Variants in OR6K3 observed in about 807,000 individuals in gnomAD.
OR6K3 encodes the protein olfactory receptor 6K3.
For missense variants in OR6K3, 396 were observed against 382.5 expected, an observed-to-expected ratio of 1.04 and a Z score of -0.29; for synonymous variants, 169 against 137.7, an observed-to-expected ratio of 1.23 and a Z score of -1.59.
chr1:158,718,232 T>C, intron 1 of OR6K3, 100 bp from the exon 2 acceptor site: 1 of 682,346 alleles, frequency 1.5e-6, no homozygotes, highest in Non-Finnish European at 2.5e-6. Flanking sequence ...AGAACTACCT[T>C]GAAGGTTTCA....
At chr1:158,721,618 T>C (rs1647379873), upstream of OR6K3, among the ~76,000 whole-genome samples, 1 of 151,946 alleles carries the variant, frequency 6.6e-6, no homozygotes, top group Non-Finnish European at 1.5e-5. Context: ...TAAAACAGTC[T>C]GTTTTGATCC....
rs79482939 is a variant in OR6K3 at position 158,717,352 on chromosome 1, G to A, written c.764C>T (p.Ser255Leu). Reference protein sequence around the residue: ...MVFPIFFGSVSLMYLRFSDTY... With the variant: ...MVFPIFFGSVLLMYLRFSDTY... Reference sequence around the variant, plus strand: ...GTCGCTGAAACGCAAGTACATGAGTGATACACTGCCAAAGAATATCGGGAA... The same window carrying A: ...GTCGCTGAAACGCAAGTACATGAGTAATACACTGCCAAAGAATATCGGGAA... Residue 255 changes from serine to leucine, a missense_variant, in exon 2 of 2, where the codon TCA becomes TTA. By Grantham distance (145) the Ser-to-Leu change is moderately radical. Transcript: ENST00000368145. 6 of 1,613,742 alleles carry A rather than the reference G, an allele frequency of 3.7e-6. No homozygotes were observed. Among genetic ancestry groups the A allele is most frequent in the Middle Eastern group, 3.3e-4 (2 of 6,056 alleles).
In OR6K3 at chr1:158,718,117, TTTCTAGTAG is replaced by T; in HGVS notation, c.-11_-3del. On this transcript the variant is annotated 5_prime_UTR_variant, in exon 2 of 2. Coordinates refer to ENST00000368145, the MANE Select transcript of OR6K3 (RefSeq NM_001005327.3). ...TGTTGATTGGTTTCCGCTCTCCATATTTCTAGTAGAGCTACCTGTAAATGGAGAGGGCAT... is the reference window on the plus strand; with the variant it reads ...TGTTGATTGGTTTCCGCTCTCCATATAGCTACCTGTAAATGGAGAGGGCAT... 6.3e-7 allele frequency: 1 copy of T among 1,586,702 alleles called. No homozygotes were observed. Among genetic ancestry groups the T allele is most frequent in the Non-Finnish European group, 8.6e-7 (1 of 1,159,120 alleles).
chr1:158,717,599 G>C lies in OR6K3; in HGVS notation c.517C>G (p.Gln173Glu). 1 of 1,613,794 alleles carries C rather than the reference G, an allele frequency of 6.2e-7. No individual in the cohort carries two copies. Among genetic ancestry groups the C allele is most frequent in the Non-Finnish European group, 8.5e-7 (1 of 1,179,832 alleles). ...AAGTCACAGAAGATCTGATGGATTT[G>C]GTTGGGCCCACAGAAAGGCAGTGTG... ...ISTLPFCGPN[Q>E]IHQIFCDLVP... is the part of the protein sequence containing the mutation. The change falls in exon 2 of 2, where the codon CAA becomes GAA. Residue 173 changes from glutamine (Q) to glutamate (E), a missense_variant. Gln to Glu is a conservative substitution (Grantham distance 29, BLOSUM62 2). Coordinates refer to ENST00000368145, the MANE Select transcript of OR6K3 (RefSeq NM_001005327.3).
intron 1 of OR6K3, among the ~76,000 whole-genome samples, chr1:158,719,819 C>G (rs901243638): frequency 3.3e-5 from 5 of 151,994 alleles, no homozygotes; most frequent in Non-Finnish European, 1.5e-5. Flanking sequence ...TAGAATTGTA[C>G]AGTATAGTAT....
At chr1:158,718,584 C>G (rs1299479617) in intron 1 of OR6K3, among the ~76,000 whole-genome samples, 1 of 151,806 alleles carries the variant, frequency 6.6e-6, no homozygotes, top group Admixed American at 6.6e-5. Flanking sequence ...AATTATATAT[C>G]TGTATCTCAT....
chr1:158,717,222 A>G lies in OR6K3; in HGVS notation c.894T>C (p.Asn298=), dbSNP rs755437966. Residue 298 remains asparagine (N), a synonymous_variant, in exon 2 of 2, where the codon AAT becomes AAC. Coordinates refer to ENST00000368145, the MANE Select transcript of OR6K3 (RefSeq NM_001005327.3). ...GAAGACAGAACAGTTTTTTAATCGC[A>G]TTGTTCATGTCCTTGTTTCTCAGGC... ...IYSLRNKDMN[N]AIKKLFCLQK... The G allele has an allele frequency of 1.2e-6, 2 of 1,613,430 alleles. No individual in the cohort carries two copies. Among genetic ancestry groups the G allele is most frequent in the Non-Finnish European group, 1.7e-6 (2 of 1,179,626 alleles).
chr1:158,717,452 T>A lies in OR6K3; in HGVS notation c.664A>T (p.Thr222Ser). The change falls in exon 2 of 2, where the codon ACT becomes TCT. Residue 222 changes from threonine to serine, a missense_variant. Thr to Ser is a moderately conservative substitution (Grantham distance 58). Coordinates refer to ENST00000368145, the MANE Select transcript of OR6K3 (RefSeq NM_001005327.3). ...IIALSYVRIV[T>S]VILRIPSSEG... ...GAAGAGGGAATCCTCAATATCACAG[T>A]GACAATTCTTACATAGGACAGGGCA... is the stretch of plus-strand genomic sequence containing the variant. The A allele has an allele frequency of 6.2e-7, 1 of 1,613,624 alleles. No homozygotes were observed. Among genetic ancestry groups the A allele is most frequent in the Non-Finnish European group, 8.5e-7 (1 of 1,179,744 alleles).
chr1:158,723,716 T>C (rs1656328754), upstream of OR6K3, among the ~76,000 whole-genome samples: 3 of 152,062 alleles, frequency 2.0e-5, no homozygotes, highest in South Asian at 6.2e-4. Context: ...ATATGTGGCA[T>C]CACTGAAATA....
chr1:158,718,175 G>GA, intron 1 of OR6K3, 43 bp from the exon 2 acceptor site: 1 of 1,005,922 alleles, frequency 9.9e-7, no homozygotes. Flanking sequence ...AGAGGGTAGA[G>GA]AAAAAAATAA....
chr1:158,717,607 C>T lies in OR6K3; in HGVS notation c.509G>A (p.Gly170Glu). 6.2e-7 allele frequency: 1 copy of T among 1,613,680 alleles called. No homozygotes were observed. The highest frequency in any genetic ancestry group is 8.5e-7 in the Non-Finnish European group (1 of 1,179,822). ...GAAGATCTGATGGATTTGGTTGGGCCCACAGAAAGGCAGTGTGGAAATCAT... is the reference window on the plus strand; with the variant it reads ...GAAGATCTGATGGATTTGGTTGGGCTCACAGAAAGGCAGTGTGGAAATCAT... ...IVMISTLPFC[G>E]PNQIHQIFCD... Residue 170 changes from glycine (G) to glutamate (E), a missense_variant, in exon 2 of 2, where the codon GGG (glycine) becomes GAG (glutamate). Physicochemically the swap from Gly to Glu is moderately conservative, Grantham distance 98 (BLOSUM62 -2). Transcript: ENST00000368145.
At position 158,717,032 on chromosome 1, in the gene OR6K3, T is replaced by C; in HGVS notation, c.*136A>G. On this transcript the variant is annotated 3_prime_UTR_variant, in exon 2 of 2. Transcript: ENST00000368145. Reference sequence around the variant, plus strand: ...ACTAGGGAGGCTGAGGCAGGAGAATTGTTCAAAACCAGGAGGTGGAGGTTG... The same window carrying C: ...ACTAGGGAGGCTGAGGCAGGAGAATCGTTCAAAACCAGGAGGTGGAGGTTG... 1 of 668,994 alleles carries C rather than the reference T, an allele frequency of 1.5e-6. No homozygotes were observed. Among genetic ancestry groups the C allele is most frequent in the Non-Finnish European group, 2.7e-6 (1 of 372,868 alleles). The allele number at this position is 668,994 out of a possible 1,614,324, so 41.4% of individuals were successfully genotyped here. A position where few individuals can be genotyped will look rare whatever the true frequency, so the allele number is the denominator to read the frequency against.
rs1324731960 is a variant in OR6K3, at chr1:158,717,644, G to A, written c.472C>T (p.Pro158Ser). The A allele has an allele frequency of 2.5e-6, 4 of 1,613,684 alleles. No individual in the cohort carries two copies. The highest frequency in any genetic ancestry group is 1.3e-5 in the African/African-American group (1 of 74,858). The change falls in exon 2 of 2, where the codon CCC (proline) becomes TCC (serine). Residue 158 changes from proline to serine, a missense_variant. By Grantham distance (74) the Pro-to-Ser change is moderately conservative. Coordinates refer to ENST00000368145, the MANE Select transcript of OR6K3 (RefSeq NM_001005327.3). ...SCLFGFLILLPEIVMISTLPF... is the reference protein window; with the variant it reads ...SCLFGFLILLSEIVMISTLPF... ...AGTGTGGAAATCATCACAATCTCGG[G>A]AAGCAGGATAAGGAAACCGAAGAGG...
chr1:158,717,271 G>T lies in OR6K3; in HGVS notation c.845C>A (p.Pro282Gln), dbSNP rs1656169843. Residue 282 changes from proline (P) to glutamine (Q), a missense_variant, in exon 2 of 2, where the codon CCA becomes CAA. Physicochemically the swap from Pro to Gln is moderately conservative, Grantham distance 76. Transcript: ENST00000368145. ...GCTATAAATGATGGGATTGAAGAAT[G>T]GAGCAAGTACAGTAAACATCAGTGC... ...AIALMFTVLA[P>Q]FFNPIIYSLR... The T allele has an allele frequency of 5.6e-6, 9 of 1,613,534 alleles. No homozygotes were observed. Among genetic ancestry groups the T allele is most frequent in the Non-Finnish European group, 7.6e-6 (9 of 1,179,692 alleles).
rs751998675 is a variant in OR6K3 at position 158,717,220 on chromosome 1, G to A, written c.896C>T (p.Ala299Val). 54 of 1,613,058 alleles carry A rather than the reference G, an allele frequency of 3.3e-5. No homozygotes were observed. The highest frequency in any genetic ancestry group is 2.7e-4 in the Admixed American group (16 of 59,874). ...TTGAAGACAGAACAGTTTTTTAATC[G>A]CATTGTTCATGTCCTTGTTTCTCAG... ...YSLRNKDMNN[A>V]IKKLFCLQKV... The change falls in exon 2 of 2, where the codon GCG becomes GTG. Residue 299 changes from alanine to valine, a missense_variant. Coordinates refer to ENST00000368145, the MANE Select transcript of OR6K3 (RefSeq NM_001005327.3).
intron 1 of OR6K3, 50 bp from the exon 2 acceptor site, chr1:158,718,182 A>G (rs755732611): frequency 1.3e-5 from 12 of 931,908 alleles, no homozygotes; most frequent in Non-Finnish European, 2.0e-5. Flanking sequence ...AGAGAAAAAA[A>G]TAAATAAGAT....
Position 158,717,914 on chromosome 1 carries a change from A to G in OR6K3, c.202T>C (p.Phe68Leu). The change falls in exon 2 of 2, where the codon TTT becomes CTT. Residue 68 changes from phenylalanine to leucine, a missense_variant. By Grantham distance (22) the Phe-to-Leu change is conservative (BLOSUM62 0). Coordinates refer to ENST00000368145, the MANE Select transcript of OR6K3 (RefSeq NM_001005327.3). Reference sequence around the variant, plus strand: ...GCTGTGGTGTACCAGATCTCCAGAAAGGAAAATATACTGATAAAATTATAC... The same window carrying G: ...GCTGTGGTGTACCAGATCTCCAGAAGGGAAAATATACTGATAAAATTATAC... ...PMYNFISIFS[F>L]LEIWYTTATI... 1 of 1,613,760 alleles carries G rather than the reference A, an allele frequency of 6.2e-7. No individual in the cohort carries two copies. Among genetic ancestry groups the G allele is most frequent in the Non-Finnish European group, 8.5e-7 (1 of 1,179,782 alleles).
rs1051053262 is a variant in OR6K3 at position 158,717,522 on chromosome 1, C to G, written c.594G>C (p.Glu198Asp). The change falls in exon 2 of 2, where the codon GAG becomes GAC. Residue 198 changes from glutamate to aspartate, a missense_variant. Coordinates refer to ENST00000368145, the MANE Select transcript of OR6K3 (RefSeq NM_001005327.3). Reference protein sequence around the residue: ...ACTDTSMILIEDVIHAVTIII... With the variant: ...ACTDTSMILIDDVIHAVTIII... Reference sequence around the variant, plus strand: ...TGATGGTCACAGCATGAATCACATCCTCAATCAGAATCATGGACGTGTCTG... The same window carrying G: ...TGATGGTCACAGCATGAATCACATCGTCAATCAGAATCATGGACGTGTCTG... 5.6e-6 allele frequency: 9 copies of G among 1,613,522 alleles called. No individual in the cohort carries two copies. The African/African-American group carries it at 1.2e-4, about 22-fold the overall frequency.
upstream of OR6K3, among the ~76,000 whole-genome samples, chr1:158,723,876 A>T (rs921560276): frequency 6.6e-6 from 1 of 152,124 alleles, no homozygotes; most frequent in Non-Finnish European, 1.5e-5. Flanking sequence ...CATATTAATT[A>T]TGTTTAATGG....
Sources: gnomAD v4.1 joint callset for allele counts (sites outside exome capture counted in the v4.1 genomes callset) on GRCh38, gnomAD v4.1.1 for gene constraint, MANE v1.5 for transcripts, NCBI Gene and HGNC (gene_info 2026-07-23, HGNC 2026-07-21) for gene names.